NALF1: variants seen among roughly 807,000 people sequenced by gnomAD.
The protein encoded by NALF1 is family with sequence similarity 155 member A.
NALF1 carries 3 observed loss-of-function variants against 48.4 expected under a neutral mutation model. That is an observed-to-expected ratio of 0.06 (90% CI 0.03 to 0.16). The LOEUF (loss-of-function observed/expected upper bound fraction) is 0.16. Among genes scored for constraint, NALF1 ranks in the 10% least tolerant of loss-of-function variants. NALF1 has a pLI of 1.00. For synonymous variants in NALF1, 262 were observed against 245.7 expected (o/e 1.07, Z -0.62); for missense variants, 526 against 571.5 (o/e 0.92, Z 0.81).
chr13:107,750,599 CAAAG>C (rs776314133), intron 1 of NALF1, among the ~76,000 whole-genome samples: 5 of 142,806 alleles, frequency 3.5e-5, no homozygotes, highest in Non-Finnish European at 7.7e-5. Context: ...AAAAAGAAAA[CAAAG>C]AAGAGCAACA....
rs779465104 is a variant in NALF1, at chr13:107,866,251, C to A, written c.346G>T (p.Ala116Ser). The change falls in exon 1 of 3, where the codon GCC (alanine) becomes TCC (serine). Residue 116 changes from alanine to serine, a missense_variant. This residue lies in a region of NALF1 where 373 missense variants were observed against 355.5 expected (regional missense o/e 1.05). Coordinates refer to ENST00000375915, the MANE Select transcript of NALF1 (RefSeq NM_001080396.3). The surrounding 1 kb of genome is among the most constrained non-coding windows in gnomAD (Gnocchi z 4.4). The stretch of plus-strand genomic sequence containing the variant: ...GAGAGGAGTCTGTGTGCCTGGGCGG[C>A]GGGCGAGGACTCCCCCATGCTCGCC... ...LLASMGESSP[A>S]AQAHRLLSAS... 3.1e-6 allele frequency: 5 copies of A among 1,591,130 alleles called. No individual in the cohort carries two copies. The South Asian group carries it at 5.6e-5, about 18-fold the overall frequency.
chr13:107,780,539 C>T (rs1192135138), intron 1 of NALF1, among the ~76,000 whole-genome samples: 6 of 151,698 alleles, frequency 4.0e-5, no homozygotes. Flanking sequence ...CTCACTGTCA[C>T]CCAGGCTGGA....
At chr13:107,345,576 A>C (rs1241156024) in intron 1 of NALF1, among the ~76,000 whole-genome samples, 1 of 152,202 alleles carries the variant, frequency 6.6e-6, no homozygotes, top group East Asian at 1.9e-4. Flanking sequence ...TCTTCAAAAA[A>C]TTGTACTGGG....
At chr13:107,212,961 C>A (rs986244095) in intron 1 of NALF1, among the ~76,000 whole-genome samples, 4 of 152,060 alleles carry the variant, frequency 2.6e-5, no homozygotes, top group Non-Finnish European at 4.4e-5. Flanking sequence ...TCCCCATTCC[C>A]ACCGCTCCCT....
At chr13:107,573,458 CTTT>C (rs934233759) in intron 1 of NALF1, among the ~76,000 whole-genome samples, 9 of 152,122 alleles carry the variant, frequency 5.9e-5, no homozygotes, top group Admixed American at 2.0e-4. Flanking sequence ...TACCTCTCTT[CTTT>C]TTACCAATGT....
At chr13:107,284,868 C>T (rs1338747366) in intron 1 of NALF1, among the ~76,000 whole-genome samples, 1 of 151,924 alleles carries the variant, frequency 6.6e-6, no homozygotes, top group African/African-American at 2.4e-5. Context: ...CTTCCAGAGC[C>T]GCGAGAAGTT....
intron 1 of NALF1, among the ~76,000 whole-genome samples, chr13:107,335,461 C>T (rs982373296): frequency 6.6e-6 from 1 of 152,164 alleles, no homozygotes; most frequent in Non-Finnish European, 1.5e-5. Context: ...ATAAGACTTC[C>T]TATTAAATCC....
At chr13:107,406,563 A>G (rs780144792) in intron 1 of NALF1, among the ~76,000 whole-genome samples, 3 of 152,066 alleles carry the variant, frequency 2.0e-5, no homozygotes, top group Admixed American at 6.6e-5. Context: ...TAGAAGAATC[A>G]ACATTGTCAA....
chr13:107,367,731 C>T (rs1042456327), intron 1 of NALF1, among the ~76,000 whole-genome samples: 3 of 152,170 alleles, frequency 2.0e-5, no homozygotes, highest in Non-Finnish European at 2.9e-5. Flanking sequence ...GACATCATGG[C>T]TACCTTGAGA....
At position 107,607,250 on chromosome 13, in the gene NALF1, A is replaced by G. The variant is rs562913605; in HGVS notation, c.915+258432T>C. 3.1e-4 allele frequency among the ~76,000 whole-genome samples: 47 copies of G among 152,350 alleles called. No homozygotes were observed. The South Asian group carries it at 7.7e-3, about 25-fold the overall frequency. On this transcript the variant is annotated intron_variant, in intron 1 of 2. Transcript: ENST00000375915. ...AACAAAAATAAGAGTACTGCATAGT[A>G]AAACATTAGGAATTTAAGTACGCAG...
At chr13:107,604,266 G>C (rs1051330643) in intron 1 of NALF1, among the ~76,000 whole-genome samples, 11 of 152,284 alleles carry the variant, frequency 7.2e-5, no homozygotes, top group African/African-American at 2.4e-4. Flanking sequence ...AGAGGGCTTA[G>C]GGGCTACATT....
intron 1 of NALF1, among the ~76,000 whole-genome samples, chr13:107,593,797 C>G (rs1266521307): frequency 7.3e-6 from 1 of 137,234 alleles, no homozygotes; most frequent in African/African-American, 2.7e-5. Context: ...CTCAGGACTG[C>G]TTCTGGAATG....
At chr13:107,460,305 C>A (rs888746230) in intron 1 of NALF1, among the ~76,000 whole-genome samples, 2 of 152,210 alleles carry the variant, frequency 1.3e-5, no homozygotes, top group African/African-American at 4.8e-5. Flanking sequence ...AGACTACACA[C>A]AGAGGTCCTG....
chr13:107,299,657 C>T (rs146807827), intron 1 of NALF1, among the ~76,000 whole-genome samples: 40 of 150,828 alleles, frequency 2.7e-4, no homozygotes, highest in African/African-American at 9.2e-4. Context: ...ATTAGTTGAA[C>T]TCATCTGTAA....
intron 1 of NALF1, among the ~76,000 whole-genome samples, chr13:107,212,655 C>T (rs556258217): frequency 1.3e-5 from 2 of 152,248 alleles, no homozygotes; most frequent in South Asian, 2.1e-4. Context: ...TAGACATTGA[C>T]GTTTGTGTAA....
chr13:107,638,592 A>G (rs1880056706), intron 1 of NALF1, among the ~76,000 whole-genome samples: 1 of 152,108 alleles, frequency 6.6e-6, no homozygotes, highest in Non-Finnish European at 1.5e-5. Flanking sequence ...TGAATAAGAC[A>G]GTTTCAGAGA....
At chr13:107,559,252 G>A (rs900199339) in intron 1 of NALF1, among the ~76,000 whole-genome samples, 2 of 152,104 alleles carry the variant, frequency 1.3e-5, no homozygotes, top group African/African-American at 4.8e-5. Flanking sequence ...AGTTTGCATG[G>A]TATAAAAGAC....
chr13:107,242,318 G>A (rs1469663802), intron 1 of NALF1, among the ~76,000 whole-genome samples: 4 of 152,202 alleles, frequency 2.6e-5, no homozygotes. Flanking sequence ...TGGGTGGGAG[G>A]AGGAGGCCTC....
intron 1 of NALF1, among the ~76,000 whole-genome samples, chr13:107,493,339 G>C (rs1436625363): frequency 6.6e-6 from 1 of 152,082 alleles, no homozygotes; most frequent in African/African-American, 2.4e-5. Flanking sequence ...CCTGTACATC[G>C]TGTGAACTCC....
Sources: allele counts gnomAD v4.1 joint callset (sites outside exome capture counted in the v4.1 genomes callset), GRCh38; gene constraint gnomAD v4.1.1; regional missense constraint gnomAD v4.1.1; non-coding constraint Gnocchi (gnomAD v3.1); transcripts MANE v1.5; gene names NCBI Gene and HGNC (gene_info 2026-07-23, HGNC 2026-07-21).